The following PLCB1 variants were observed in gnomAD, a reference collection of about 807,000 sequenced individuals.
PLCB1 encodes 1-phosphatidylinositol 4,5-bisphosphate phosphodiesterase beta-1.
A neutral mutation model predicts 161.8 loss-of-function variants in PLCB1; 46 were observed. The observed-to-expected ratio is 0.28, with a 90% CI of 0.22 to 0.36. The LOEUF is 0.36. Ranked by LOEUF, PLCB1 falls within the 10% of genes least tolerant of loss-of-function variation. PLCB1 has a pLI of 1.00. For missense variants in PLCB1, 1,016 were observed against 1,472.5 expected, an observed-to-expected ratio of 0.69 and a Z score of 5.07; for synonymous variants, 517 against 503.7, an observed-to-expected ratio of 1.03 and a Z score of -0.35.
chr20:8,814,209 C>T (rs1984969054), intron 31 of PLCB1, among the ~76,000 whole-genome samples: 1 of 152,146 alleles, frequency 6.6e-6, no homozygotes, highest in Non-Finnish European at 1.5e-5. Context: ...TGAGATTTTA[C>T]AACAGCCCAA....
At chr20:8,448,810 TC>T (rs2122639829) in intron 3 of PLCB1, among the ~76,000 whole-genome samples, 1 of 152,294 alleles carries the variant, frequency 6.6e-6, no homozygotes, top group South Asian at 2.1e-4. Context: ...AAGGATTGCA[TC>T]CCACAAAAAC....
At chr20:8,789,199 G>C (rs1346453060) in intron 29 of PLCB1, among the ~76,000 whole-genome samples, 1 of 152,120 alleles carries the variant, frequency 6.6e-6, no homozygotes, top group Admixed American at 6.6e-5. Flanking sequence ...GCAACACAGG[G>C]AGACTCTGTC....
chr20:8,480,996 G>C (rs556786877), intron 3 of PLCB1, among the ~76,000 whole-genome samples: 2 of 152,094 alleles, frequency 1.3e-5, no homozygotes, highest in African/African-American at 4.8e-5. Flanking sequence ...CCCACGTACT[G>C]GGGAGGCTGG....
At chr20:8,805,093 A>G (rs977280919) in intron 31 of PLCB1, among the ~76,000 whole-genome samples, 1 of 152,030 alleles carries the variant, frequency 6.6e-6, no homozygotes, top group Non-Finnish European at 1.5e-5. Flanking sequence ...TTATGATAGA[A>G]GATTGGCCCC....
intron 2 of PLCB1, among the ~76,000 whole-genome samples, chr20:8,208,523 A>G (rs186534858): frequency 6.6e-6 from 1 of 152,166 alleles, no homozygotes; most frequent in Admixed American, 6.6e-5. Flanking sequence ...TTTATGGAGT[A>G]GGTTTTTTTT....
intron 2 of PLCB1, among the ~76,000 whole-genome samples, chr20:8,291,456 T>C (rs1600291241): frequency 6.6e-6 from 1 of 152,352 alleles, no homozygotes. Flanking sequence ...ACCATGAAGC[T>C]ACTTGTGGAA....
chr20:8,632,911 G>A (rs1988643180), intron 4 of PLCB1, among the ~76,000 whole-genome samples: 1 of 152,144 alleles, frequency 6.6e-6, no homozygotes, highest in African/African-American at 2.4e-5. Context: ...GAAGCCCCGA[G>A]AGGGTTTCAG....
At chr20:8,320,096 G>A (rs1984842244) in intron 2 of PLCB1, among the ~76,000 whole-genome samples, 1 of 152,116 alleles carries the variant, frequency 6.6e-6, no homozygotes, top group African/African-American at 2.4e-5. Flanking sequence ...CATTTTGGCT[G>A]CCTAGATATC....
At chr20:8,376,334 G>T (rs1987078080) in intron 3 of PLCB1, among the ~76,000 whole-genome samples, 1 of 152,104 alleles carries the variant, frequency 6.6e-6, no homozygotes, top group Non-Finnish European at 1.5e-5. Context: ...TAAATTCTAG[G>T]TTGTATGTAG....
At chr20:8,348,937 T>A (rs1394053473) in intron 2 of PLCB1, among the ~76,000 whole-genome samples, 1 of 152,112 alleles carries the variant, frequency 6.6e-6, no homozygotes, top group Non-Finnish European at 1.5e-5. Context: ...GGCCCTCAAG[T>A]GGCTTTCTTC....
chr20:8,400,170 A>G (rs1460372071), intron 3 of PLCB1, among the ~76,000 whole-genome samples: 1 of 152,286 alleles, frequency 6.6e-6, no homozygotes, highest in East Asian at 1.9e-4. Flanking sequence ...TGACAATGTC[A>G]TATTTCCTGA....
At chr20:8,661,386 A>C (rs1434563433) in intron 9 of PLCB1, among the ~76,000 whole-genome samples, 2 of 152,110 alleles carry the variant, frequency 1.3e-5, no homozygotes, top group Non-Finnish European at 2.9e-5. Context: ...GGAAGGACAG[A>C]GGCTTTGGAG....
intron 2 of PLCB1, among the ~76,000 whole-genome samples, chr20:8,229,884 A>AAAATAAAAT (rs1568598360): frequency 2.8e-5 from 1 of 36,228 alleles, no homozygotes; most frequent in South Asian, 1.0e-3. Flanking sequence ...AAAATAAAAT[A>AAAATAAAAT]AAAATAAAAT....
chr20:8,245,375 A>G (rs2123212223), intron 2 of PLCB1, among the ~76,000 whole-genome samples: 1 of 152,052 alleles, frequency 6.6e-6, no homozygotes, highest in South Asian at 2.1e-4. Flanking sequence ...TTTGTGCTAT[A>G]AAAATGATAT....
chr20:8,264,003 A>G (rs1981833119), intron 2 of PLCB1, among the ~76,000 whole-genome samples: 1 of 152,154 alleles, frequency 6.6e-6, no homozygotes, highest in African/African-American at 2.4e-5. Flanking sequence ...TAACTTTTTT[A>G]CTTTATAAAC....
intron 3 of PLCB1, among the ~76,000 whole-genome samples, chr20:8,555,603 A>G (rs1568506141): frequency 6.6e-6 from 1 of 152,096 alleles, no homozygotes; most frequent in Non-Finnish European, 1.5e-5. Context: ...ATAAATATCT[A>G]CCTCTCTTAT....
chr20:8,136,514 T>C (rs1025670819), intron 1 of PLCB1, among the ~76,000 whole-genome samples: 5 of 151,654 alleles, frequency 3.3e-5, no homozygotes. Context: ...TAGTCCCAGC[T>C]GCTCGGGAGG....
At chr20:8,207,757 A>G (rs1437415030) in intron 2 of PLCB1, among the ~76,000 whole-genome samples, 1 of 151,852 alleles carries the variant, frequency 6.6e-6, no homozygotes, top group Non-Finnish European at 1.5e-5. Flanking sequence ...ATTTTTTAAT[A>G]TTTAGTAGAG....
At chr20:8,547,336 T>C (rs1380433224) in intron 3 of PLCB1, among the ~76,000 whole-genome samples, 1 of 152,226 alleles carries the variant, frequency 6.6e-6, no homozygotes, top group Non-Finnish European at 1.5e-5. Flanking sequence ...AGGAATGATC[T>C]AATTGTCCAC....
Sources: allele counts gnomAD v4.1 joint callset (sites outside exome capture counted in the v4.1 genomes callset), GRCh38; gene constraint gnomAD v4.1.1; transcripts MANE v1.5; gene names NCBI Gene and HGNC (gene_info 2026-07-23, HGNC 2026-07-21).